The following SYN2 variants were observed in gnomAD, a reference collection of about 807,000 sequenced individuals.
SYN2 encodes the protein synapsin II, also known as synapsin-2.
SYN2 carries 19 observed loss-of-function variants against 50.9 expected under a neutral mutation model. The observed-to-expected ratio is 0.37, with a 90% CI of 0.26 to 0.55. The LOEUF is 0.55. Ranked by LOEUF, SYN2 falls within the 20% of genes least tolerant of loss-of-function variation. The pLI is 0.81. For synonymous variants in SYN2, 255 were observed against 224.9 expected, an observed-to-expected ratio of 1.13 and a Z score of -1.20; for missense variants, 587 against 576.4, an observed-to-expected ratio of 1.02 and a Z score of -0.19.
chr3:12,044,547 T>A (rs1218799421), intron 1 of SYN2, among the ~76,000 whole-genome samples: 7 of 152,210 alleles, frequency 4.6e-5, no homozygotes, highest in Admixed American at 3.9e-4. Context: ...TAGAATCTGA[T>A]GAAGACATTT....
chr3:12,044,213 A>C (rs1032799269), intron 1 of SYN2, among the ~76,000 whole-genome samples: 22 of 132,250 alleles, frequency 1.7e-4, no homozygotes, highest in Non-Finnish European at 3.6e-4. Context: ...ACACACACAC[A>C]CACACACACA....
chr3:12,080,805 G>C (rs1024422205), intron 1 of SYN2, among the ~76,000 whole-genome samples: 1 of 152,160 alleles, frequency 6.6e-6, no homozygotes, highest in African/African-American at 2.4e-5. Context: ...GAGTTCTGTA[G>C]ATATCTATCA....
At chr3:12,084,235 T>A (rs139270203) in intron 1 of SYN2, among the ~76,000 whole-genome samples, 1 of 151,372 alleles carries the variant, frequency 6.6e-6, no homozygotes, top group African/African-American at 2.4e-5. Context: ...GACTACTCCA[T>A]TTTTTTTTCC....
chr3:12,043,441 A>G (rs1363235019), intron 1 of SYN2, among the ~76,000 whole-genome samples: 1 of 152,198 alleles, frequency 6.6e-6, no homozygotes, highest in African/African-American at 2.4e-5. Context: ...CATTTACTGC[A>G]GGGTCTCCTA....
chr3:12,096,164 C>G (rs1244025197), intron 1 of SYN2, among the ~76,000 whole-genome samples: 2 of 152,168 alleles, frequency 1.3e-5, no homozygotes, highest in Non-Finnish European at 2.9e-5. Context: ...TTCTCCTAGG[C>G]CAGGTCACCA....
intron 5 of SYN2, among the ~76,000 whole-genome samples, chr3:12,160,042 C>CAAAAAAAAAAAAAAAA (rs3079818): frequency 4.4e-5 from 3 of 67,614 alleles, no homozygotes; most frequent in African/African-American, 6.3e-5. Context: ...GACTCCGTCT[C>CAAAAAAAAAAAAAAAA]AAAAAAAAAA....
At chr3:12,189,051 G>C (rs935377957) in intron 12 of SYN2, among the ~76,000 whole-genome samples, 5 of 152,186 alleles carry the variant, frequency 3.3e-5, no homozygotes, top group Non-Finnish European at 5.9e-5. Context: ...CTAATGAAAG[G>C]CAGGGTGTCT....
chr3:12,087,138 CAT>C (rs1318578276), intron 1 of SYN2, among the ~76,000 whole-genome samples: 1 of 151,968 alleles, frequency 6.6e-6, no homozygotes, highest in Non-Finnish European at 1.5e-5. Context: ...TAAAATATCT[CAT>C]AGTAAATTTA....
chr3:12,054,945 G>A (rs1694955772), intron 1 of SYN2, among the ~76,000 whole-genome samples: 2 of 151,956 alleles, frequency 1.3e-5, no homozygotes, highest in Non-Finnish European at 2.9e-5. Flanking sequence ...TTGTTTTCTA[G>A]CATCCTTTAT....
At chr3:12,070,272 G>GT (rs1199503986) in intron 1 of SYN2, 1 of 481,670 alleles carries the variant, frequency 2.1e-6, no homozygotes, top group Non-Finnish European at 4.2e-6. Flanking sequence ...TCTCCGGCAT[G>GT]TACAAAGCTG....
chr3:12,141,958 G>A lies in SYN2; in HGVS notation c.489G>A (p.Val163=), dbSNP rs774150678. 1.3e-6 allele frequency: 1 copy of A among 780,702 alleles called. No homozygotes were observed. The highest frequency in any genetic ancestry group is 1.7e-5 in the African/African-American group (1 of 59,116). 48.4% of individuals were successfully genotyped at this position (780,702 alleles called of 1,614,324 possible). A position where few individuals can be genotyped will look rare whatever the true frequency, so the allele number is the denominator to read the frequency against. The stretch of plus-strand genomic sequence containing the variant: ...CCCATGCAGATGGCACCTATGCTGT[G>A]GATATGCAGGTTCTCCGGAATGGCA... ...LVAHADGTYA[V]DMQVLRNGTK... Residue 163 remains valine, a synonymous_variant, in exon 3 of 13, where the codon GTG becomes GTA. Coordinates refer to ENST00000621198, the MANE Select transcript of SYN2 (RefSeq NM_133625.6).
At chr3:12,046,076 A>G (rs772491757) in intron 1 of SYN2, among the ~76,000 whole-genome samples, 2 of 152,188 alleles carry the variant, frequency 1.3e-5, no homozygotes, top group East Asian at 3.8e-4. Context: ...CTACTAGGAT[A>G]TAAGTTTAAT....
At chr3:12,015,489 T>C (rs190635950) in intron 1 of SYN2, among the ~76,000 whole-genome samples, 1 of 152,336 alleles carries the variant, frequency 6.6e-6, no homozygotes, top group Admixed American at 6.5e-5. Flanking sequence ...AAGCAACTCG[T>C]TGGTTCCCTG....
chr3:12,082,810 T>A (rs549124692), intron 1 of SYN2, among the ~76,000 whole-genome samples: 17 of 152,200 alleles, frequency 1.1e-4, no homozygotes, highest in Non-Finnish European at 2.5e-4. Context: ...ACTTGAGTTT[T>A]GATGTAGTGT....
chr3:12,122,587 C>T (rs1057211479), intron 1 of SYN2, among the ~76,000 whole-genome samples: 1 of 152,130 alleles, frequency 6.6e-6, no homozygotes, highest in Non-Finnish European at 1.5e-5. Flanking sequence ...CTCATCTGTA[C>T]ATGGAGGACA....
chr3:12,084,779 G>C (rs1369814786), intron 1 of SYN2, among the ~76,000 whole-genome samples: 1 of 152,144 alleles, frequency 6.6e-6, no homozygotes, highest in African/African-American at 2.4e-5. Context: ...AGGAGTAAAA[G>C]TTTAGAGTTT....
At chr3:12,156,608 G>T (rs1255003907) in intron 5 of SYN2, among the ~76,000 whole-genome samples, 1 of 152,200 alleles carries the variant, frequency 6.6e-6, no homozygotes, top group Non-Finnish European at 1.5e-5. Flanking sequence ...GGTGGCCAGG[G>T]TCACTGTACT....
intron 10 of SYN2, among the ~76,000 whole-genome samples, chr3:12,178,118 A>G (rs1410747366): frequency 5.9e-5 from 9 of 152,178 alleles, no homozygotes; most frequent in Non-Finnish European, 1.3e-4. Context: ...CCGCTGCCTC[A>G]TTCTCCCTGG....
chr3:12,185,872 A>C (rs775412557), intron 11 of SYN2: 23 of 642,144 alleles, frequency 3.6e-5, no homozygotes, highest in Non-Finnish European at 4.5e-5. Flanking sequence ...AAACTTTGGA[A>C]GTGGCAAAAG....
Sources: gnomAD v4.1 joint callset for allele counts (sites outside exome capture counted in the v4.1 genomes callset) on GRCh38, gnomAD v4.1.1 for gene constraint, MANE v1.5 for transcripts, NCBI Gene and HGNC (gene_info 2026-07-23, HGNC 2026-07-21) for gene names.